The following RALGAPA2 variants were observed in gnomAD, a reference collection of about 807,000 sequenced individuals.
RALGAPA2 encodes the protein ral GTPase-activating protein subunit alpha-2.
RALGAPA2 carries 139 observed loss-of-function variants against 230.4 expected under a neutral mutation model. The ratio of observed to expected loss-of-function variants is 0.60; its 90% CI spans 0.53 to 0.69. RALGAPA2 has a LOEUF of 0.69. Among genes scored for constraint, RALGAPA2 ranks in the 30% least tolerant of loss-of-function variants. RALGAPA2 has a pLI of 0.00. For synonymous variants in RALGAPA2, 847 were observed against 837.8 expected, an observed-to-expected ratio of 1.01 and a Z score of -0.19; for missense variants, 2,163 against 2,276.0, an observed-to-expected ratio of 0.95 and a Z score of 1.01.
chr20:20,660,354 T>G (rs1446660210), intron 3 of RALGAPA2, among the ~76,000 whole-genome samples: 2 of 152,236 alleles, frequency 1.3e-5, no homozygotes, highest in Non-Finnish European at 2.9e-5. Flanking sequence ...TTTACCTTCC[T>G]GGTAACCTAT....
intron 3 of RALGAPA2, among the ~76,000 whole-genome samples, chr20:20,667,807 T>C (rs1348491121): frequency 7.2e-5 from 11 of 152,198 alleles, no homozygotes; most frequent in Admixed American, 7.2e-4. Context: ...CCTAAGGAAT[T>C]TGGCTAGCCT....
chr20:20,685,662 C>T (rs1212195210), intron 1 of RALGAPA2, among the ~76,000 whole-genome samples: 1 of 152,102 alleles, frequency 6.6e-6, no homozygotes, highest in Non-Finnish European at 1.5e-5. Flanking sequence ...AAATCATCAC[C>T]TTGAGGATGA....
chr20:20,707,957 T>C (rs2069674228), intron 1 of RALGAPA2, among the ~76,000 whole-genome samples: 1 of 152,138 alleles, frequency 6.6e-6, no homozygotes, highest in South Asian at 2.1e-4. Flanking sequence ...TCCCCTCTAC[T>C]TTCCCAGATT....
intron 37 of RALGAPA2, 93 bp downstream of exon 37, chr20:20,472,736 A>G: frequency 7.2e-7 from 1 of 1,391,940 alleles, no homozygotes. Flanking sequence ...TCCCTCTTCA[A>G]TTCAGTTTTG....
At chr20:20,475,502 A>C (rs140149241) in intron 36 of RALGAPA2, among the ~76,000 whole-genome samples, 48 of 152,330 alleles carry the variant, frequency 3.2e-4, no homozygotes, top group African/African-American at 1.1e-3. Flanking sequence ...ACAGACACAG[A>C]ACAAGCATTA....
At chr20:20,665,409 C>T (rs2067926871) in intron 3 of RALGAPA2, among the ~76,000 whole-genome samples, 1 of 152,208 alleles carries the variant, frequency 6.6e-6, no homozygotes, top group African/African-American at 2.4e-5. Flanking sequence ...CAGATAACAA[C>T]AAGAATGTAA....
In RALGAPA2 at chr20:20,650,231, C is replaced by T. The variant is rs955825007; in HGVS notation, c.328+3299G>A. ...CCATTAAAAACCAAAACAAAAACCG[C>T]AGATTATCCCTTCCCTTTAAAAGCA... On this transcript the variant is annotated intron_variant, in intron 4 of 39. Transcript: ENST00000202677. 2.0e-5 allele frequency among the ~76,000 whole-genome samples: 3 copies of T among 152,188 alleles called. No homozygotes were observed. The South Asian group carries it at 6.2e-4, about 31-fold the overall frequency.
At chr20:20,613,293 G>C (rs2066030235) in intron 13 of RALGAPA2, among the ~76,000 whole-genome samples, 1 of 152,122 alleles carries the variant, frequency 6.6e-6, no homozygotes, top group African/African-American at 2.4e-5. Flanking sequence ...GCCATCCTTG[G>C]GTCCAACACA....
chr20:20,557,625 A>C (rs973699960), intron 23 of RALGAPA2, among the ~76,000 whole-genome samples: 2 of 152,218 alleles, frequency 1.3e-5, no homozygotes, highest in African/African-American at 4.8e-5. Flanking sequence ...CAAGTAAAAT[A>C]ATATTCTCAT....
At chr20:20,553,847 A>C (rs1407416183) in intron 23 of RALGAPA2, among the ~76,000 whole-genome samples, 3 of 152,204 alleles carry the variant, frequency 2.0e-5, no homozygotes, top group Non-Finnish European at 4.4e-5. Flanking sequence ...GCTGGCCTTT[A>C]AACAGATGAA....
At chr20:20,535,089 G>C (rs532060774) in intron 26 of RALGAPA2, among the ~76,000 whole-genome samples, 1 of 152,302 alleles carries the variant, frequency 6.6e-6, no homozygotes, top group South Asian at 2.1e-4. Flanking sequence ...TGCTGTCTTG[G>C]AATGAGGCTA....
In RALGAPA2 at chr20:20,712,359, C is replaced by G. The variant is rs1402738358; in HGVS notation, c.106+16G>C. On this transcript the variant is annotated intron_variant, in intron 1 of 39. Coordinates refer to ENST00000202677, the MANE Select transcript of RALGAPA2 (RefSeq NM_020343.4). The surrounding 1 kb of genome is among the most constrained non-coding windows in gnomAD (Gnocchi z 5.5). ...TAACCCGGCGCCCCGACCCCCGCGC[C>G]CGGCGCGCGCCTCACCCAGCAGCGC... 1.9e-6 allele frequency: 3 copies of G among 1,545,466 alleles called. No individual in the cohort carries two copies. Among genetic ancestry groups the G allele is most frequent in the South Asian group, 2.4e-5 (2 of 83,818 alleles).
At chr20:20,531,647 T>C (rs2063369668) in intron 27 of RALGAPA2, 40 bp downstream of exon 27, 5 of 1,452,898 alleles carry the variant, frequency 3.4e-6, no homozygotes, top group Non-Finnish European at 3.8e-6. Flanking sequence ...ATGCCTCAGA[T>C]ATGGCTTAAT....
At chr20:20,656,231 T>C (rs2067585435) in intron 3 of RALGAPA2, among the ~76,000 whole-genome samples, 1 of 152,248 alleles carries the variant, frequency 6.6e-6, no homozygotes, top group African/African-American at 2.4e-5. Context: ...CAGAGGCTAA[T>C]GTGCTCGAAT....
At chr20:20,636,058 C>T (rs1257974910) in intron 8 of RALGAPA2, among the ~76,000 whole-genome samples, 1 of 152,110 alleles carries the variant, frequency 6.6e-6, no homozygotes, top group Non-Finnish European at 1.5e-5. Flanking sequence ...ATCCACTGAA[C>T]TTTAGAGGTT....
At position 20,505,520 on chromosome 20, in the gene RALGAPA2, T is replaced by C; in HGVS notation, c.4943A>G (p.Lys1648Arg). Reference sequence around the variant, plus strand: ...TTCAGCAATGTAAAACACTGCGATTTTGTGTGTCTCACGGCTATAAATTTT... The same window carrying C: ...TTCAGCAATGTAAAACACTGCGATTCTGTGTGTCTCACGGCTATAAATTTT... ...LDSRQCRETH[K>R]IAVFYIAEGQ... The change falls in exon 34 of 40, where the codon AAA (lysine) becomes AGA (arginine). Residue 1648 changes from lysine (K) to arginine (R), a missense_variant. Transcript: ENST00000202677. The C allele has an allele frequency of 6.3e-7, 1 of 1,594,498 alleles. No individual in the cohort carries two copies.
chr20:20,467,724 C>T (rs927016167), intron 37 of RALGAPA2, among the ~76,000 whole-genome samples: 1 of 152,322 alleles, frequency 6.6e-6, no homozygotes, highest in East Asian at 1.9e-4. Flanking sequence ...TGCTAATTTA[C>T]AGAGTCAAGA....
intron 3 of RALGAPA2, among the ~76,000 whole-genome samples, chr20:20,666,697 T>G (rs1045453447): frequency 9.2e-5 from 14 of 152,330 alleles, no homozygotes; most frequent in African/African-American, 3.4e-4. Context: ...TTGCTATGTA[T>G]TATTTGCTTA....
In RALGAPA2 at chr20:20,430,673, C is replaced by T. The variant is rs186885063; in HGVS notation, c.5496-18525G>A. Among the ~76,000 whole-genome samples, 953 of 152,218 alleles carry T rather than the reference C, an allele frequency of 6.3e-3. 6 individuals are homozygous for T. The highest frequency in any genetic ancestry group is 8.6e-3 in the Admixed American group (131 of 15,298). Reference sequence around the variant, plus strand: ...ATTAAAAATGTCACTTGAGAAATTTCCTTTGTATTTCTCTACTGCCTTTAC... The same window carrying T: ...ATTAAAAATGTCACTTGAGAAATTTTCTTTGTATTTCTCTACTGCCTTTAC... On this transcript the variant is annotated intron_variant, in intron 37 of 39. Transcript: ENST00000202677.
Sources: allele counts gnomAD v4.1 joint callset (sites outside exome capture counted in the v4.1 genomes callset), GRCh38; gene constraint gnomAD v4.1.1; non-coding constraint Gnocchi (gnomAD v3.1); transcripts MANE v1.5; gene names NCBI Gene and HGNC (gene_info 2026-07-23, HGNC 2026-07-21).